The following PLEKHO2 variants were observed in gnomAD, a reference collection of about 807,000 sequenced individuals.
PLEKHO2 encodes pleckstrin homology domain-containing family O member 2.
PLEKHO2 carries 20 observed loss-of-function variants against 32.7 expected under a neutral mutation model. That is an observed-to-expected ratio of 0.61 (90% confidence interval 0.43 to 0.89). The LOEUF is 0.89. Among genes scored for constraint, PLEKHO2 ranks in the 40% least tolerant of loss-of-function variants. The probability of loss-of-function intolerance (pLI) is 0.00; values close to 1 mark genes in which losing one functional copy is unlikely to be tolerated. For synonymous variants in PLEKHO2, 247 were observed against 246.3 expected, an observed-to-expected ratio of 1.00 and a Z score of -0.03; for missense variants, 568 against 621.2, an observed-to-expected ratio of 0.91 and a Z score of 0.91.
intron 3 of PLEKHO2, among the ~76,000 whole-genome samples, chr15:64,858,425 G>A (rs2084620926): frequency 6.6e-6 from 1 of 152,182 alleles, no homozygotes; most frequent in Non-Finnish European, 1.5e-5. Context: ...GCTGGCGACC[G>A]CCAACAAAGA....
intron 2 of PLEKHO2, among the ~76,000 whole-genome samples, chr15:64,854,718 G>A (rs1160317274): frequency 2.0e-5 from 3 of 152,198 alleles, no homozygotes; most frequent in Non-Finnish European, 4.4e-5. Flanking sequence ...TCTGGATGGG[G>A]AGCCTTGTGG....
At chr15:64,860,839 C>T (rs113934256) in intron 4 of PLEKHO2, among the ~76,000 whole-genome samples, 1 of 152,222 alleles carries the variant, frequency 6.6e-6, no homozygotes, top group Admixed American at 6.5e-5. Context: ...GGGCCTCAGC[C>T]CACTGAGGGA....
At chr15:64,854,392 G>C (rs920024605) in intron 2 of PLEKHO2, among the ~76,000 whole-genome samples, 3 of 152,172 alleles carry the variant, frequency 2.0e-5, no homozygotes, top group Admixed American at 6.5e-5. Flanking sequence ...GGCTCCGCAG[G>C]GGGTGATGCT....
Position 64,865,727 on chromosome 15 carries a change from G to A in PLEKHO2, c.1312G>A (p.Val438Ile). 1.9e-6 allele frequency: 3 copies of A among 1,614,220 alleles called. No homozygotes were observed. The highest frequency in any genetic ancestry group is 1.7e-6 in the Non-Finnish European group (2 of 1,180,020). Residue 438 changes from valine to isoleucine, a missense_variant, in exon 6 of 6, where the codon GTT becomes ATT. Coordinates refer to ENST00000323544, the MANE Select transcript of PLEKHO2 (RefSeq NM_025201.5). Reference protein sequence around the residue: ...NKVLGSEPAPVSAETLLSQAV... With the variant: ...NKVLGSEPAPISAETLLSQAV... ...GGTGCTGGGCAGTGAGCCGGCCCCTGTTAGTGCCGAAACATTGCTCAGCCA... is the reference window on the plus strand; with the variant it reads ...GGTGCTGGGCAGTGAGCCGGCCCCTATTAGTGCCGAAACATTGCTCAGCCA...
At chr15:64,858,772 G>C (rs1048726186) in intron 3 of PLEKHO2, among the ~76,000 whole-genome samples, 5 of 151,918 alleles carry the variant, frequency 3.3e-5, no homozygotes, top group Non-Finnish European at 5.9e-5. Context: ...AAAAACTGTG[G>C]TAAAAAAAAA....
intron 2 of PLEKHO2, among the ~76,000 whole-genome samples, chr15:64,854,319 G>T (rs955281133): frequency 2.0e-4 from 31 of 152,162 alleles, no homozygotes; most frequent in African/African-American, 7.5e-4. Flanking sequence ...GCTTCAAGGA[G>T]CCCTTGCCTG....
chr15:64,842,388 C>CTGTGTG (rs1243359056), intron 1 of PLEKHO2, among the ~76,000 whole-genome samples: 10 of 141,886 alleles, frequency 7.0e-5, no homozygotes, highest in African/African-American at 2.8e-4. Flanking sequence ...CTCTCTCTCT[C>CTGTGTG]TCTGTGTGTG....
At chr15:64,846,028 G>A (rs1425979409) in intron 1 of PLEKHO2, among the ~76,000 whole-genome samples, 2 of 152,204 alleles carry the variant, frequency 1.3e-5, no homozygotes, top group East Asian at 3.9e-4. Context: ...TGTCCTTGCT[G>A]TTGCCGTTGC....
intron 1 of PLEKHO2, 79 bp from the exon 2 acceptor site, chr15:64,848,514 C>A: frequency 1.3e-6 from 2 of 1,545,582 alleles, no homozygotes; most frequent in Admixed American, 1.7e-5. Flanking sequence ...AGGGACACAT[C>A]CCTTGTGTGA....
intron 5 of PLEKHO2, among the ~76,000 whole-genome samples, chr15:64,862,385 A>G (rs34715969): frequency 0.18 from 27,602 of 151,542 alleles, 3,528 homozygotes; most frequent in East Asian, 0.76. Context: ...TGGGCTTGTG[A>G]TTGAGTCAGG....
At chr15:64,844,817 C>T (rs1333029679) in intron 1 of PLEKHO2, among the ~76,000 whole-genome samples, 2 of 152,170 alleles carry the variant, frequency 1.3e-5, no homozygotes, top group African/African-American at 4.8e-5. Flanking sequence ...ACCCCAAGCC[C>T]TTATCTCATC....
intron 2 of PLEKHO2, among the ~76,000 whole-genome samples, chr15:64,849,432 CACCA>C (rs1325617764): frequency 6.7e-6 from 1 of 148,900 alleles, no homozygotes; most frequent in Admixed American, 6.7e-5. Context: ...AGGTGTGAGC[CACCA>C]CGCCTGGCCC....
intron 1 of PLEKHO2, among the ~76,000 whole-genome samples, chr15:64,843,152 G>C (rs959496471): frequency 6.6e-6 from 1 of 152,232 alleles, no homozygotes; most frequent in Non-Finnish European, 1.5e-5. Context: ...GGAGCAGCTA[G>C]TGGTCCGTCA....
chr15:64,855,592 G>A (rs1022291997), intron 3 of PLEKHO2, among the ~76,000 whole-genome samples: 2 of 152,210 alleles, frequency 1.3e-5, no homozygotes, highest in African/African-American at 2.4e-5. Flanking sequence ...AAGGTCCCTG[G>A]CTTGAGAGAG....
chr15:64,855,041 G>T lies in PLEKHO2; in HGVS notation c.279+4G>T. 6.4e-7 allele frequency: 1 copy of T among 1,573,462 alleles called. No individual in the cohort carries two copies. The highest frequency in any genetic ancestry group is 1.2e-5 in the South Asian group (1 of 86,076). ...GCTGCGATCCCCAGGGAACAAGGTAGGGCGATGCCTGCTGCTGCCCCATCT... is the reference window on the plus strand; with the variant it reads ...GCTGCGATCCCCAGGGAACAAGGTATGGCGATGCCTGCTGCTGCCCCATCT... On this transcript the variant is annotated splice_donor_region_variant and intron_variant, in intron 3 of 5. Transcript: ENST00000323544.
chr15:64,843,590 T>C (rs575556105), intron 1 of PLEKHO2, among the ~76,000 whole-genome samples: 1 of 151,806 alleles, frequency 6.6e-6, no homozygotes, highest in African/African-American at 2.4e-5. Flanking sequence ...TTCTTTTTTT[T>C]TTTTTTTGAG....
intron 5 of PLEKHO2, among the ~76,000 whole-genome samples, chr15:64,863,524 TG>T (rs2084658506): frequency 5.2e-5 from 3 of 57,600 alleles, no homozygotes; most frequent in African/African-American, 1.5e-4. Flanking sequence ...TGTGTTTGTG[TG>T]TGTGTGTGTG....
At chr15:64,851,349 T>C (rs537912500) in intron 2 of PLEKHO2, among the ~76,000 whole-genome samples, 1 of 152,334 alleles carries the variant, frequency 6.6e-6, no homozygotes, top group South Asian at 2.1e-4. Context: ...TCAGGTACTG[T>C]CAGACTTGTC....
rs2084670184 is a variant in PLEKHO2, at chr15:64,864,916, T to C, written c.501T>C (p.Ser167=). The part of the protein sequence containing the change: ...VHLKEVASAA[S]DGLLRLDLDV... The stretch of plus-strand genomic sequence containing the variant: ...CCCACCAGGTGGCCAGTGCAGCTTC[T>C]GACGGTCTTCTGCGCCTGGATCTTG... Residue 167 remains serine, a synonymous_variant, in exon 6 of 6, where the codon TCT becomes TCC. Coordinates refer to ENST00000323544, the MANE Select transcript of PLEKHO2 (RefSeq NM_025201.5). The C allele has an allele frequency of 3.1e-6, 5 of 1,609,212 alleles. No individual in the cohort carries two copies. The highest frequency in any genetic ancestry group is 4.2e-6 in the Non-Finnish European group (5 of 1,176,932).
Sources: gnomAD v4.1 joint callset for allele counts (sites outside exome capture counted in the v4.1 genomes callset) on GRCh38, gnomAD v4.1.1 for gene constraint, MANE v1.5 for transcripts, NCBI Gene and HGNC (gene_info 2026-07-23, HGNC 2026-07-21) for gene names.